RBFOX3: variants seen among roughly 807,000 people sequenced by gnomAD.
RBFOX3 encodes the protein RNA binding protein fox-1 homolog 3.
Under a neutral mutation model 48.7 loss-of-function variants are expected in RBFOX3, and 17 were observed. The observed-to-expected ratio is 0.35, with a 90% CI of 0.24 to 0.52. The LOEUF is 0.52. Among genes scored for constraint, RBFOX3 ranks in the 20% least tolerant of loss-of-function variants. The pLI is 0.94. For synonymous variants in RBFOX3, 212 were observed against 209.5 expected (o/e 1.01, Z -0.10); for missense variants, 382 against 497.5 (o/e 0.77, Z 2.21).
At chr17:79,152,482 G>C (rs2044765795) in intron 4 of RBFOX3, among the ~76,000 whole-genome samples, 1 of 152,132 alleles carries the variant, frequency 6.6e-6, no homozygotes, top group South Asian at 2.1e-4. Context: ...TTTCCAGCTG[G>C]GCCGGGGGTC....
chr17:79,381,259 CAAAAA>C (rs35928942), intron 2 of RBFOX3, among the ~76,000 whole-genome samples: 2 of 146,552 alleles, frequency 1.4e-5, no homozygotes, highest in South Asian at 2.2e-4. Context: ...GACTCTGTCT[CAAAAA>C]AAAAAAAAAA....
chr17:79,642,477 A>G, the RBFOX3 span, among the ~76,000 whole-genome samples: 1 of 152,220 alleles, frequency 6.6e-6, no homozygotes, highest in Non-Finnish European at 1.5e-5. Context: ...CACCTTAAAT[A>G]TATACAATTT....
At chr17:79,487,322 C>T (rs1434407516) in intron 1 of RBFOX3, among the ~76,000 whole-genome samples, 1 of 152,208 alleles carries the variant, frequency 6.6e-6, no homozygotes, top group Non-Finnish European at 1.5e-5. Flanking sequence ...CCCTGGCTGG[C>T]CCCGACGACC....
chr17:79,553,661 T>C (rs1226795415), intron 1 of RBFOX3, among the ~76,000 whole-genome samples: 2 of 152,170 alleles, frequency 1.3e-5, no homozygotes, highest in Non-Finnish European at 2.9e-5. Flanking sequence ...GTTTGGTAAA[T>C]TATATTTCTC....
chr17:79,388,768 C>T (rs369632025), intron 2 of RBFOX3, among the ~76,000 whole-genome samples: 19 of 152,314 alleles, frequency 1.2e-4, no homozygotes, highest in African/African-American at 4.1e-4. Flanking sequence ...GCACATGCCC[C>T]GGTGCTGCCG....
rs2056424308 is a variant in RBFOX3 at position 79,199,743 on chromosome 17, G to C, written c.-34+36023C>G. ...ATATTGACACAGATATGACATTGCT[G>C]CTGCTGTAGGATTTCTGAAGCACGC... On this transcript the variant is annotated intron_variant, in intron 4 of 14. Transcript: ENST00000693108. This position sits in a 1 kb window ranked among gnomAD's most constrained non-coding sequence, Gnocchi z 5.1. Among the ~76,000 whole-genome samples, 1 of 152,184 alleles carries C rather than the reference G, an allele frequency of 6.6e-6. No homozygotes were observed. Among genetic ancestry groups the C allele is most frequent in the South Asian group, 2.1e-4 (1 of 4,830 alleles).
Position 79,111,488 on chromosome 17 carries a change from T to C in RBFOX3, c.222+4006A>G, listed in dbSNP as rs1378940431. Among the ~76,000 whole-genome samples the C allele has an allele frequency of 6.6e-6, 1 of 152,148 alleles. No individual in the cohort carries two copies. Among genetic ancestry groups the C allele is most frequent in the Non-Finnish European group, 1.5e-5 (1 of 68,032 alleles). The stretch of plus-strand genomic sequence containing the variant: ...TTTTGCTCTGTCGCCCAGGCTGGAG[T>C]GCAGCGGCGTGATCTCAGCTCACTG... On this transcript the variant is annotated intron_variant, in intron 5 of 14. Transcript: ENST00000693108. This position sits in a 1 kb window ranked among gnomAD's most constrained non-coding sequence, Gnocchi z 4.2.
intron 4 of RBFOX3, among the ~76,000 whole-genome samples, chr17:79,130,688 G>A (rs1426163170): frequency 6.6e-6 from 1 of 152,256 alleles, no homozygotes; most frequent in African/African-American, 2.4e-5. Flanking sequence ...TGCTCTCCAG[G>A]CCCCGGTGGG....
intron 3 of RBFOX3, among the ~76,000 whole-genome samples, chr17:79,303,683 G>T (rs1022420563): frequency 1.3e-5 from 2 of 151,850 alleles, no homozygotes; most frequent in Non-Finnish European, 2.9e-5. Flanking sequence ...GGTTGCTAGG[G>T]GCAGACCATC....
At chr17:79,483,851 TATCCCACG>T (rs1322729475) in intron 1 of RBFOX3, among the ~76,000 whole-genome samples, 1 of 152,212 alleles carries the variant, frequency 6.6e-6, no homozygotes, top group Non-Finnish European at 1.5e-5. Flanking sequence ...TTTAGAATCA[TATCCCACG>T]ATCACACCGG....
At chr17:79,286,016 G>T (rs1057295217) in intron 3 of RBFOX3, among the ~76,000 whole-genome samples, 5 of 152,162 alleles carry the variant, frequency 3.3e-5, no homozygotes, top group South Asian at 4.1e-4. Flanking sequence ...GGGTACATCT[G>T]TCCTACACAG....
At chr17:79,344,450 G>T (rs777275728) in intron 2 of RBFOX3, among the ~76,000 whole-genome samples, 4 of 152,036 alleles carry the variant, frequency 2.6e-5, no homozygotes, top group Non-Finnish European at 5.9e-5. Flanking sequence ...CCCCCTACCA[G>T]AGCTGCTGCC....
intron 1 of RBFOX3, among the ~76,000 whole-genome samples, chr17:79,545,102 G>T (rs929511729): frequency 6.6e-6 from 1 of 152,038 alleles, no homozygotes; most frequent in Non-Finnish European, 1.5e-5. Context: ...GGGCAGACGG[G>T]GCCGCTCTAC....
At chr17:79,350,347 G>C (rs1460753956) in intron 2 of RBFOX3, among the ~76,000 whole-genome samples, 2 of 152,190 alleles carry the variant, frequency 1.3e-5, no homozygotes, top group Non-Finnish European at 2.9e-5. Context: ...ACTGATTCTT[G>C]GTATTAAATG....
rs35265527 is a variant in RBFOX3, at chr17:79,311,434, CAA to C, written c.-174-3612_-174-3611del. ...GGTAAGAAGAGCGAGACTCCATCTC[CAA>C]AAAAAAAAAAAAAAAAAACAGACTG... On this transcript the variant is annotated intron_variant, in intron 2 of 14. Coordinates refer to ENST00000693108, the MANE Select transcript of RBFOX3 (RefSeq NM_001350451.2). This position sits in a 1 kb window ranked among gnomAD's most constrained non-coding sequence, Gnocchi z 4.2. Among the ~76,000 whole-genome samples the C allele has an allele frequency of 0.36, 37,190 of 102,644 alleles. 5,435 individuals are homozygous for C. The highest frequency in any genetic ancestry group is 0.42 in the East Asian group (1,377 of 3,294). The allele number at this position is 102,644 out of a possible 152,430, so 67.3% of individuals were successfully genotyped here.
chr17:79,620,412 GACATGCACACACGCACGTGCACACATGC>G, the RBFOX3 span, among the ~76,000 whole-genome samples: 88 of 104,450 alleles, frequency 8.4e-4, no homozygotes, highest in Admixed American at 1.5e-3. Context: ...CACACACACG[GACATGCACACACGCACGTGCACACATGC>G]ACATGCACAC....
At chr17:79,236,768 A>G (rs2061685510) in intron 3 of RBFOX3, among the ~76,000 whole-genome samples, 2 of 152,096 alleles carry the variant, frequency 1.3e-5, no homozygotes, top group Admixed American at 6.5e-5. Flanking sequence ...CTAAGTCACA[A>G]AGCTAGCTCA....
At chr17:79,463,693 T>TCCACC (rs2075886571) in intron 2 of RBFOX3, among the ~76,000 whole-genome samples, 1 of 50,314 alleles carries the variant, frequency 2.0e-5, no homozygotes, top group East Asian at 5.6e-4. Context: ...CCACTGCCAC[T>TCCACC]GCCATCACCA....
intron 1 of RBFOX3, among the ~76,000 whole-genome samples, chr17:79,487,011 A>AAAC: frequency 6.6e-6 from 1 of 152,254 alleles, no homozygotes; most frequent in Non-Finnish European, 1.5e-5. Flanking sequence ...GGACTGCTAT[A>AAAC]AAGTGTCCTC....
Sources: allele counts gnomAD v4.1 joint callset (sites outside exome capture counted in the v4.1 genomes callset), GRCh38; gene constraint gnomAD v4.1.1; non-coding constraint Gnocchi (gnomAD v3.1); transcripts MANE v1.5; gene names NCBI Gene and HGNC (gene_info 2026-07-23, HGNC 2026-07-21).